The following BBOF1 variants were observed in gnomAD, a reference collection of about 807,000 sequenced individuals.
BBOF1 encodes the protein basal body orientation factor 1, also known as basal body-orientation factor 1.
BBOF1 carries 62 observed loss-of-function variants against 68.0 expected under a neutral mutation model. The ratio of observed to expected loss-of-function variants is 0.91; its 90% confidence interval spans 0.74 to 1.13. The LOEUF is 1.13. Ranked by LOEUF, BBOF1 falls within the 50% of genes most tolerant of loss-of-function variation. The pLI, the probability that BBOF1 is intolerant of heterozygous loss-of-function variation, is 0.00. For missense variants in BBOF1, 534 were observed against 600.1 expected, an observed-to-expected ratio of 0.89 and a Z score of 1.15; for synonymous variants, 208 against 198.8, an observed-to-expected ratio of 1.05 and a Z score of -0.39.
chr14:74,069,458 T>G (rs902374341), downstream of BBOF1, among the ~76,000 whole-genome samples: 5 of 151,850 alleles, frequency 3.3e-5, no homozygotes, highest in African/African-American at 1.2e-4. Flanking sequence ...TCTTTTAAAT[T>G]CTATTTAGCC....
intron 5 of BBOF1, 38 bp from the exon 6 acceptor site, chr14:74,046,022 G>T: frequency 6.5e-7 from 1 of 1,544,804 alleles, no homozygotes; most frequent in South Asian, 1.2e-5. Context: ...TTTGTTGTTA[G>T]GGGCATAATT....
chr14:74,036,782 G>T (rs116936090), intron 4 of BBOF1, among the ~76,000 whole-genome samples: 4 of 150,894 alleles, frequency 2.7e-5, no homozygotes, highest in African/African-American at 9.8e-5. Flanking sequence ...GTACCTATCT[G>T]GGAACATTAT....
intron 9 of BBOF1, among the ~76,000 whole-genome samples, chr14:74,074,259 G>A (rs1428814266): frequency 6.9e-6 from 1 of 143,948 alleles, no homozygotes; most frequent in African/African-American, 2.6e-5. Flanking sequence ...TTACAGGGGT[G>A]AGCCACTGCG....
intron 9 of BBOF1, among the ~76,000 whole-genome samples, chr14:74,074,288 ATTTTTTTT>A (rs35478388): frequency 7.7e-6 from 1 of 130,184 alleles, no homozygotes; most frequent in African/African-American, 2.9e-5. Context: ...CTTTCACTAA[ATTTTTTTT>A]TTTTTTTTTG....
chr14:74,062,426 A>G (rs947869756), intron 11 of BBOF1, among the ~76,000 whole-genome samples: 2 of 151,984 alleles, frequency 1.3e-5, no homozygotes, highest in Admixed American at 1.3e-4. Flanking sequence ...ACATGGCGAA[A>G]CCCCGTCTCT....
At chr14:74,028,512 A>ACACATAG (rs1491423768) in intron 2 of BBOF1, among the ~76,000 whole-genome samples, 2 of 122,870 alleles carry the variant, frequency 1.6e-5, no homozygotes, top group African/African-American at 6.0e-5. Context: ...ACACACACAC[A>ACACATAG]AATAGAGGGA....
At chr14:74,067,273 G>A (rs142736985), downstream of BBOF1, 14 of 1,288,262 alleles carry the variant, frequency 1.1e-5, no homozygotes, top group Non-Finnish European at 1.5e-5. Context: ...GAGAGGAAAT[G>A]GCAAGAATAG....
intron 2 of BBOF1, among the ~76,000 whole-genome samples, chr14:74,024,461 A>G (rs1346417806): frequency 6.6e-6 from 1 of 151,944 alleles, no homozygotes; most frequent in East Asian, 1.9e-4. Context: ...GTCTCATATT[A>G]TTATTACTTT....
intron 4 of BBOF1, 25 bp from the exon 5 acceptor site, chr14:74,040,540 T>G: frequency 3.5e-6 from 5 of 1,444,618 alleles, no homozygotes; most frequent in Non-Finnish European, 4.7e-6. Context: ...TGATCATTTT[T>G]GTTTGTTTGT....
chr14:74,041,766 G>C (rs1376263210), intron 5 of BBOF1, among the ~76,000 whole-genome samples: 1 of 152,118 alleles, frequency 6.6e-6, no homozygotes, highest in Non-Finnish European at 1.5e-5. Context: ...GCCTGGTGTG[G>C]TGGTTCACTC....
chr14:74,052,409 G>A (rs1206403959), intron 8 of BBOF1, among the ~76,000 whole-genome samples: 3 of 151,826 alleles, frequency 2.0e-5, no homozygotes, highest in East Asian at 3.9e-4. Flanking sequence ...CACTTTGGGA[G>A]GTTGAGACAG....
rs562199843 is a variant in BBOF1 at position 74,045,768 on chromosome 14, T to A, written c.577-292T>A. Among the ~76,000 whole-genome samples, 3 of 152,314 alleles carry A rather than the reference T, an allele frequency of 2.0e-5. No individual in the cohort carries two copies. The East Asian group carries it at 5.8e-4, about 29-fold the overall frequency. ...TCCTGAATGAATAAATGAATGACTC[T>A]CATTTCAGTGCATTTAGCAGAAATT... On this transcript the variant is annotated intron_variant, in intron 5 of 11. Transcript: ENST00000394009.
chr14:74,023,320 C>A (rs191907205), intron 2 of BBOF1, among the ~76,000 whole-genome samples, 176 bp downstream of exon 2: 46 of 152,240 alleles, frequency 3.0e-4, no homozygotes, highest in Admixed American at 1.4e-3. Flanking sequence ...TTACTGTTAT[C>A]GGCTCTCTTT....
intron 8 of BBOF1, among the ~76,000 whole-genome samples, chr14:74,051,416 A>C (rs2060065609): frequency 1.3e-5 from 2 of 151,652 alleles, no homozygotes; most frequent in Admixed American, 6.6e-5. Flanking sequence ...CTGTTTCAAA[A>C]AAACAAACAA....
At chr14:74,030,937 T>TAG (rs1332464664) in intron 3 of BBOF1, among the ~76,000 whole-genome samples, 1,467 of 146,326 alleles carry the variant, frequency 0.01, 10 homozygotes, top group African/African-American at 0.02. Context: ...TATATATATA[T>TAG]ATAGAGAGAG....
chr14:74,027,385 CTTT>C (rs35107293), intron 2 of BBOF1, among the ~76,000 whole-genome samples: 924 of 61,036 alleles, frequency 0.015, 5 homozygotes, highest in African/African-American at 0.062. Context: ...CCTCGCCCAG[CTTT>C]TTTTTTTTTT....
intron 9 of BBOF1, chr14:74,072,475 T>C: frequency 6.2e-7 from 1 of 1,613,514 alleles, no homozygotes; most frequent in Admixed American, 1.7e-5. Context: ...GGTCCCTTCT[T>C]GCCCATCATG....
intron 9 of BBOF1, chr14:74,072,679 T>C: frequency 6.4e-7 from 1 of 1,554,764 alleles, no homozygotes. Flanking sequence ...ATTGCTTTGC[T>C]TTTCCCTTTC....
At position 74,019,596 on chromosome 14, in the gene BBOF1, G is replaced by C. The variant is rs1009470451; in HGVS notation, c.56+62G>C. ...GCCTGCCTGGGATTTCGGGTCTGGGGCTGGCAACCTGGCGCCCCCCGCGCC... is the reference window on the plus strand; with the variant it reads ...GCCTGCCTGGGATTTCGGGTCTGGGCCTGGCAACCTGGCGCCCCCCGCGCC... On this transcript the variant is annotated intron_variant, in intron 1 of 11. Coordinates refer to ENST00000394009, the MANE Select transcript of BBOF1 (RefSeq NM_025057.3). The C allele has an allele frequency of 2.8e-5, 43 of 1,545,860 alleles. No homozygotes were observed. In the Admixed American group the frequency reaches 7.5e-4, roughly 27 times the overall value.
Sources: gnomAD v4.1 joint callset for allele counts (sites outside exome capture counted in the v4.1 genomes callset) on GRCh38, gnomAD v4.1.1 for gene constraint, MANE v1.5 for transcripts, NCBI Gene and HGNC (gene_info 2026-07-23, HGNC 2026-07-21) for gene names.